SPIRE1: variants seen among roughly 807,000 people sequenced by gnomAD.
SPIRE1 encodes the protein spire type actin nucleation factor 1.
A neutral mutation model predicts 94.1 loss-of-function variants in SPIRE1; 40 were observed. That is an observed-to-expected ratio of 0.43 (90% CI 0.33 to 0.55). The LOEUF (loss-of-function observed/expected upper bound fraction) is 0.55. SPIRE1 is among the 20% of genes least tolerant of loss of function. SPIRE1 has a pLI of 0.06. For missense variants in SPIRE1, 838 were observed against 975.2 expected, an observed-to-expected ratio of 0.86 and a Z score of 1.87; for synonymous variants, 376 against 371.7, an observed-to-expected ratio of 1.01 and a Z score of -0.13.
intron 2 of SPIRE1, among the ~76,000 whole-genome samples, chr18:12,630,817 G>A (rs1312675102): frequency 6.6e-6 from 1 of 152,192 alleles, no homozygotes; most frequent in Non-Finnish European, 1.5e-5. Flanking sequence ...CCCCAGAATG[G>A]CAGCCAGCCT....
At position 12,485,962 on chromosome 18, in the gene SPIRE1, A is replaced by G. The variant is rs2033023512; in HGVS notation, c.1228T>C (p.Ser410Pro). Residue 410 changes from serine to proline, a missense_variant, in exon 9 of 17, where the codon TCA becomes CCA. Around this residue, in one of 2 missense-constraint regions of SPIRE1, gnomAD observed 645 missense variants for 804.7 expected, o/e 0.80. Transcript: ENST00000409402. ...AAAGTGTTTTTGTTTTTTTTACCTG[A>G]CAAGTCAAAACTGTAAGACATGCTA... Reference protein sequence around the residue: ...PLSMSYSFDLSDVTTPESTKN... With the variant: ...PLSMSYSFDLPDVTTPESTKN... 7.2e-6 allele frequency: 11 copies of G among 1,530,610 alleles called. No homozygotes were observed. In the East Asian group the frequency reaches 2.7e-4, roughly 38 times the overall value. 94.8% of individuals were successfully genotyped at this position (1,530,610 alleles called of 1,614,324 possible).
At position 12,631,203 on chromosome 18, in the gene SPIRE1, T is replaced by A. The variant is rs145325461; in HGVS notation, c.372+3859A>T. On this transcript the variant is annotated intron_variant, in intron 2 of 16. Coordinates refer to ENST00000409402, the MANE Select transcript of SPIRE1 (RefSeq NM_001128626.2). The stretch of plus-strand genomic sequence containing the variant: ...AGACTCTCTTTACACACTAAAAAAT[T>A]AGAGCCCAAAGAGCTTTTTTTTAAT... Among the ~76,000 whole-genome samples, 420 of 152,212 alleles carry A rather than the reference T, an allele frequency of 2.8e-3. 1 individual carries two copies. The highest frequency in any genetic ancestry group is 9.4e-3 in the African/African-American group (391 of 41,550).
At chr18:12,617,650 A>G (rs559100836) in intron 2 of SPIRE1, among the ~76,000 whole-genome samples, 9 of 152,032 alleles carry the variant, frequency 5.9e-5, no homozygotes, top group Non-Finnish European at 1.2e-4. Context: ...ACCTCAGGTG[A>G]TCCACCACCT....
At chr18:12,613,033 T>C (rs2037186623) in intron 2 of SPIRE1, among the ~76,000 whole-genome samples, 1 of 152,184 alleles carries the variant, frequency 6.6e-6, no homozygotes, top group African/African-American at 2.4e-5. Context: ...ATTTATCCTA[T>C]CTATTATGTC....
chr18:12,557,636 T>A (rs908154818), intron 2 of SPIRE1, among the ~76,000 whole-genome samples: 8 of 151,680 alleles, frequency 5.3e-5, no homozygotes, highest in African/African-American at 1.9e-4. Flanking sequence ...GCAGCGAGAG[T>A]GGATGCTGAG....
chr18:12,608,975 G>A (rs1413227191), intron 2 of SPIRE1, among the ~76,000 whole-genome samples: 4 of 152,162 alleles, frequency 2.6e-5, no homozygotes, highest in African/African-American at 9.7e-5. Flanking sequence ...AAATGGGGGT[G>A]GGGTGTGGGG....
At chr18:12,513,016 ATCC>A (rs2034085519) in intron 4 of SPIRE1, among the ~76,000 whole-genome samples, 4 of 151,792 alleles carry the variant, frequency 2.6e-5, no homozygotes, top group South Asian at 2.1e-4. Flanking sequence ...ATAAGTCAAA[ATCC>A]TCCTATTTTA....
chr18:12,655,277 A>G (rs551076725), intron 1 of SPIRE1, among the ~76,000 whole-genome samples: 3 of 152,170 alleles, frequency 2.0e-5, no homozygotes, highest in South Asian at 4.1e-4. Context: ...AAAGAGAAAG[A>G]AATAAAGCGA....
intron 2 of SPIRE1, among the ~76,000 whole-genome samples, chr18:12,621,587 A>G (rs1346663593): frequency 6.6e-6 from 1 of 152,220 alleles, no homozygotes; most frequent in Non-Finnish European, 1.5e-5. Flanking sequence ...AACCCTGAAC[A>G]TTATGCTAAA....
chr18:12,450,192 T>TGA (rs1025367606), intron 16 of SPIRE1, among the ~76,000 whole-genome samples: 2 of 122,104 alleles, frequency 1.6e-5, no homozygotes, highest in African/African-American at 6.1e-5. Flanking sequence ...CAGTCTCTAC[T>TGA]AAAAAAAAAA....
At chr18:12,513,558 T>C (rs1003763321) in intron 4 of SPIRE1, among the ~76,000 whole-genome samples, 23 of 151,862 alleles carry the variant, frequency 1.5e-4, no homozygotes, top group East Asian at 1.4e-3. Context: ...AGTTTTGCTC[T>C]TGTTGCCCAG....
intron 2 of SPIRE1, among the ~76,000 whole-genome samples, chr18:12,563,041 G>A (rs917363539): frequency 9.2e-5 from 14 of 151,794 alleles, no homozygotes; most frequent in African/African-American, 3.4e-4. Flanking sequence ...TTTTCTATTG[G>A]TGACAACACG....
chr18:12,518,068 T>C (rs2144074587), intron 4 of SPIRE1, among the ~76,000 whole-genome samples: 2 of 152,300 alleles, frequency 1.3e-5, no homozygotes, highest in Admixed American at 1.3e-4. Flanking sequence ...GCTGGAGCAG[T>C]GGTGTGATCA....
chr18:12,602,067 G>A (rs2144643030), intron 2 of SPIRE1, among the ~76,000 whole-genome samples: 2 of 152,184 alleles, frequency 1.3e-5, no homozygotes, highest in Admixed American at 6.5e-5. Context: ...CAGTGTGTGC[G>A]CATGTCTGCA....
chr18:12,603,643 C>T (rs1369721690), intron 2 of SPIRE1, among the ~76,000 whole-genome samples: 1 of 150,824 alleles, frequency 6.6e-6, no homozygotes, highest in Non-Finnish European at 1.5e-5. Context: ...GGTGCAATCT[C>T]GGCTCACTGC....
rs979487187 is a variant in SPIRE1 at position 12,526,581 on chromosome 18, C to T, written c.729+8895G>A. Among the ~76,000 whole-genome samples the T allele has an allele frequency of 2.6e-5, 4 of 152,178 alleles. No homozygotes were observed. In the East Asian group the frequency reaches 5.8e-4, roughly 22 times the overall value. ...AAGAGTAGCACTTAAAACATGGCTT[C>T]TGTGAGGACTCAATGAATATTAATG... On this transcript the variant is annotated intron_variant, in intron 4 of 16. Coordinates refer to ENST00000409402, the MANE Select transcript of SPIRE1 (RefSeq NM_001128626.2).
chr18:12,517,764 T>C (rs2034237699), intron 4 of SPIRE1, among the ~76,000 whole-genome samples: 1 of 152,232 alleles, frequency 6.6e-6, no homozygotes, highest in Admixed American at 6.5e-5. Context: ...GCTCAGAGAA[T>C]AATTTTAATC....
Position 12,579,058 on chromosome 18 carries a change from T to A in SPIRE1, c.373-32154A>T, listed in dbSNP as rs538972805. Among the ~76,000 whole-genome samples, 176 of 151,852 alleles carry A rather than the reference T, an allele frequency of 1.2e-3. 1 individual carries two copies. Among genetic ancestry groups the A allele is most frequent in the East Asian group, 7.0e-3 (36 of 5,174 alleles). ...AAATGGGTCTTTTTGAATTTTTTTT[T>A]AAAAAAAGTTAGGCCTTAAAGGCTT... On this transcript the variant is annotated intron_variant, in intron 2 of 16. Coordinates refer to ENST00000409402, the MANE Select transcript of SPIRE1 (RefSeq NM_001128626.2).
intron 10 of SPIRE1, among the ~76,000 whole-genome samples, chr18:12,466,007 C>T (rs995537348): frequency 2.0e-4 from 31 of 151,462 alleles, no homozygotes; most frequent in African/African-American, 6.5e-4. Flanking sequence ...TTGCTTGACC[C>T]GGGGAGGCAG....
Sources: allele counts gnomAD v4.1 joint callset (sites outside exome capture counted in the v4.1 genomes callset), GRCh38; gene constraint gnomAD v4.1.1; regional missense constraint gnomAD v4.1.1; transcripts MANE v1.5; gene names NCBI Gene and HGNC (gene_info 2026-07-23, HGNC 2026-07-21).